LRMDA: variants seen among roughly 807,000 people sequenced by gnomAD.
LRMDA encodes the protein leucine-rich melanocyte differentiation-associated protein.
Under a neutral mutation model 29.8 loss-of-function variants are expected in LRMDA, and 18 were observed. The observed-to-expected ratio is 0.60, with a 90% CI of 0.42 to 0.90. The LOEUF is 0.90. Ranked by LOEUF, LRMDA falls within the 40% of genes least tolerant of loss-of-function variation. LRMDA has a pLI of 0.00. For missense variants in LRMDA, 273 were observed against 273.9 expected (o/e 1.00, Z 0.02); for synonymous variants, 125 against 109.4 (o/e 1.14, Z -0.89).
intron 2 of LRMDA, among the ~76,000 whole-genome samples, chr10:75,724,778 C>T (rs183367879): frequency 7.9e-5 from 12 of 152,176 alleles, no homozygotes; most frequent in Non-Finnish European, 1.2e-4. Context: ...AGGAGAGTGT[C>T]GGCTGTTTTG....
At chr10:76,433,645 A>G (rs372790369) in intron 6 of LRMDA, 10 of 152,188 alleles carry the variant, frequency 6.6e-5, no homozygotes, top group Admixed American at 2.6e-4. Context: ...CGCACTGGGG[A>G]AACAGAAATA....
chr10:75,449,490 T>C (rs1360299718), intron 2 of LRMDA, among the ~76,000 whole-genome samples: 1 of 151,530 alleles, frequency 6.6e-6, no homozygotes, highest in East Asian at 1.9e-4. Context: ...GCCAAGCCTG[T>C]ATTTACTTTT....
At chr10:76,190,155 T>C (rs1182580848) in intron 5 of LRMDA, among the ~76,000 whole-genome samples, 1 of 152,192 alleles carries the variant, frequency 6.6e-6, no homozygotes, top group Non-Finnish European at 1.5e-5. Context: ...AATGCTTCTC[T>C]TTCCTCGGCA....
At chr10:75,602,386 G>A (rs952005298) in intron 2 of LRMDA, among the ~76,000 whole-genome samples, 4 of 152,142 alleles carry the variant, frequency 2.6e-5, no homozygotes, top group African/African-American at 7.2e-5. Context: ...CATTTCAATT[G>A]TGTGTAAATT....
intron 5 of LRMDA, among the ~76,000 whole-genome samples, chr10:76,243,025 A>G (rs1447768413): frequency 6.6e-6 from 1 of 152,152 alleles, no homozygotes; most frequent in Admixed American, 6.5e-5. Flanking sequence ...GGAGCAGGAA[A>G]CATCAGCCAG....
Position 75,946,071 on chromosome 10 carries a change from A to C in LRMDA, c.132-89937A>C, listed in dbSNP as rs566961503. On this transcript the variant is annotated intron_variant, in intron 2 of 6. Coordinates refer to ENST00000611255, the MANE Select transcript of LRMDA (RefSeq NM_001305581.2). ...GGATTCCCATGGGAGACATCAGAGA[A>C]TAACCCCTGCAAAGAGTGGGAAAGC... Among the ~76,000 whole-genome samples, 28 of 152,342 alleles carry C rather than the reference A, an allele frequency of 1.8e-4. No individual in the cohort carries two copies. The South Asian group carries it at 5.4e-3, about 29-fold the overall frequency.
At chr10:76,518,325 A>ATCTATCTG (rs1241029997) in intron 6 of LRMDA, among the ~76,000 whole-genome samples, 2 of 147,728 alleles carry the variant, frequency 1.4e-5, no homozygotes, top group African/African-American at 2.5e-5. Flanking sequence ...CTATCTATCT[A>ATCTATCTG]TCATCTCTAT....
chr10:76,523,151 G>C (rs1843138799), intron 6 of LRMDA, among the ~76,000 whole-genome samples: 1 of 150,880 alleles, frequency 6.6e-6, no homozygotes, highest in Non-Finnish European at 1.5e-5. Flanking sequence ...TAACTACAGT[G>C]AGGCCTGGGC....
At chr10:75,526,169 G>A (rs2132040011) in intron 2 of LRMDA, among the ~76,000 whole-genome samples, 1 of 152,004 alleles carries the variant, frequency 6.6e-6, no homozygotes, top group East Asian at 1.9e-4. Context: ...GGGCTCAAGG[G>A]ATCCTCCTGC....
chr10:75,684,946 G>C (rs1481023137), intron 2 of LRMDA, among the ~76,000 whole-genome samples: 1 of 152,212 alleles, frequency 6.6e-6, no homozygotes, highest in African/African-American at 2.4e-5. Context: ...GTGTGGCCAG[G>C]CATCTGTATT....
chr10:75,978,835 G>A lies in LRMDA; in HGVS notation c.132-57173G>A, dbSNP rs375936212. On this transcript the variant is annotated intron_variant, in intron 2 of 6. Transcript: ENST00000611255. ...CAGATCTCCTACAGTGTGATACAATGTTATAATGTTTTTCTTTAAGTCTAA... is the reference window on the plus strand; with the variant it reads ...CAGATCTCCTACAGTGTGATACAATATTATAATGTTTTTCTTTAAGTCTAA... Among the ~76,000 whole-genome samples, 5 of 152,302 alleles carry A rather than the reference G, an allele frequency of 3.3e-5. 2 individuals are homozygous for A. The highest frequency in any genetic ancestry group is 1.9e-4 in the East Asian group (1 of 5,186).
intron 2 of LRMDA, among the ~76,000 whole-genome samples, chr10:75,912,056 A>T (rs1564604528): frequency 6.6e-6 from 1 of 152,116 alleles, no homozygotes; most frequent in Non-Finnish European, 1.5e-5. Flanking sequence ...GTTATTTTTC[A>T]TGGGGGTGAC....
At chr10:75,856,347 C>T (rs1349947351) in intron 2 of LRMDA, among the ~76,000 whole-genome samples, 20 of 152,094 alleles carry the variant, frequency 1.3e-4, no homozygotes, top group Non-Finnish European at 2.8e-4. Context: ...GGAGTTCACT[C>T]ATGATTTGGT....
At chr10:75,446,220 A>G (rs1402882409) in intron 2 of LRMDA, among the ~76,000 whole-genome samples, 5 of 152,248 alleles carry the variant, frequency 3.3e-5, no homozygotes, top group Non-Finnish European at 7.3e-5. Flanking sequence ...GGGTTGGACC[A>G]TCCTGGCTTG....
intron 2 of LRMDA, among the ~76,000 whole-genome samples, chr10:75,467,441 A>G (rs1216910804): frequency 6.6e-6 from 1 of 152,222 alleles, no homozygotes; most frequent in African/African-American, 2.4e-5. Flanking sequence ...TTTGAGAAGA[A>G]GAAGACCTCG....
intron 2 of LRMDA, among the ~76,000 whole-genome samples, chr10:75,765,530 T>C (rs937427578): frequency 1.3e-5 from 2 of 152,168 alleles, no homozygotes; most frequent in African/African-American, 2.4e-5. Flanking sequence ...TTAAAAACTA[T>C]TGTAAATTCC....
At chr10:76,059,795 A>G (rs1297020847) in intron 5 of LRMDA, among the ~76,000 whole-genome samples, 3 of 152,226 alleles carry the variant, frequency 2.0e-5, no homozygotes, top group Admixed American at 2.0e-4. Flanking sequence ...ACCTCAGGCC[A>G]CTTTCTTTCC....
At chr10:76,327,631 A>G (rs894316067) in intron 6 of LRMDA, among the ~76,000 whole-genome samples, 2 of 152,284 alleles carry the variant, frequency 1.3e-5, no homozygotes, top group African/African-American at 4.8e-5. Context: ...GGCGCTCCAC[A>G]TATATTTGTT....
intron 6 of LRMDA, among the ~76,000 whole-genome samples, chr10:76,355,761 C>T (rs927236172): frequency 6.6e-6 from 1 of 152,028 alleles, no homozygotes; most frequent in African/African-American, 2.4e-5. Flanking sequence ...GCATGCATGC[C>T]GATTGTGAAA....
Sources: allele counts gnomAD v4.1 joint callset (sites outside exome capture counted in the v4.1 genomes callset), GRCh38; gene constraint gnomAD v4.1.1; transcripts MANE v1.5; gene names NCBI Gene and HGNC (gene_info 2026-07-23, HGNC 2026-07-21).